Variants in SNX1 observed in about 807,000 individuals in gnomAD.
The protein encoded by SNX1 is sorting nexin 1, also known as sorting nexin-1.
Under a neutral mutation model 71.8 loss-of-function variants are expected in SNX1, and 36 were observed. The ratio of observed to expected loss-of-function variants is 0.50; its 90% CI spans 0.38 to 0.66. SNX1 has a LOEUF of 0.66. Among genes scored for constraint, SNX1 ranks in the 30% least tolerant of loss-of-function variants. SNX1 has a pLI of 0.00. For missense variants in SNX1, 612 were observed against 646.7 expected (o/e 0.95, Z 0.58); for synonymous variants, 254 against 240.7 (o/e 1.06, Z -0.51).
intron 6 of SNX1, among the ~76,000 whole-genome samples, chr15:64,126,500 G>T (rs2081254730): frequency 6.6e-6 from 1 of 152,184 alleles, no homozygotes; most frequent in Admixed American, 6.5e-5. Context: ...CCTCCAGATT[G>T]AAATAGACTA....
intron 3 of SNX1, 107 bp downstream of exon 3, chr15:64,118,351 T>G: frequency 1.6e-6 from 2 of 1,231,932 alleles, no homozygotes; most frequent in Non-Finnish European, 2.3e-6. Context: ...TTGTTACTCT[T>G]GAAGGAGATC....
At chr15:64,119,640 C>T (rs1171332385) in intron 4 of SNX1, among the ~76,000 whole-genome samples, 1 of 151,652 alleles carries the variant, frequency 6.6e-6, no homozygotes, top group Non-Finnish European at 1.5e-5. Context: ...CAGAGAATCG[C>T]TTGAACCCGG....
At chr15:64,127,840 T>C (rs1193588659) in intron 8 of SNX1, 34 bp downstream of exon 8, 1 of 1,541,842 alleles carries the variant, frequency 6.5e-7, no homozygotes, top group Admixed American at 1.7e-5. Flanking sequence ...TTTCATAATT[T>C]ATATCTGCCC....
chr15:64,122,014 T>A (rs1367904078), intron 4 of SNX1, among the ~76,000 whole-genome samples: 1 of 152,242 alleles, frequency 6.6e-6, no homozygotes, highest in Non-Finnish European at 1.5e-5. Context: ...AACCTTGTAT[T>A]ACTAGCTTAT....
In SNX1 at chr15:64,129,759, G is replaced by A; in HGVS notation, c.808-157G>A. 1.7e-6 allele frequency: 1 copy of A among 598,202 alleles called. No individual in the cohort carries two copies. The highest frequency in any genetic ancestry group is 3.0e-6 in the Non-Finnish European group (1 of 332,040). 37.1% of individuals were successfully genotyped at this position (598,202 alleles called of 1,614,324 possible). On this transcript the variant is annotated intron_variant, in intron 8 of 14. Transcript: ENST00000559844. This position sits in a 1 kb window ranked among gnomAD's most constrained non-coding sequence, Gnocchi z 4.4. ...TTCTTTGATTTTTCTGTATGGACAT[G>A]TTAGTTGTGGATTCCTCAGACTGCC...
chr15:64,102,131 T>A (rs2080968780), intron 1 of SNX1, among the ~76,000 whole-genome samples: 1 of 152,234 alleles, frequency 6.6e-6, no homozygotes, highest in Admixed American at 6.5e-5. Flanking sequence ...TTGATAAAAA[T>A]TTTAAAATAT....
rs115715333 is a variant in SNX1, at chr15:64,109,410, A to G, written c.160-3163A>G. The stretch of plus-strand genomic sequence containing the variant: ...CCAACTTAGCATAGAAAAATAGGTG[A>G]AGAACATAAAGACAAGTCACAGATT... On this transcript the variant is annotated intron_variant, in intron 1 of 14. Coordinates refer to ENST00000559844, the MANE Select transcript of SNX1 (RefSeq NM_003099.5). Among the ~76,000 whole-genome samples the G allele has an allele frequency of 9.9e-3, 1,515 of 152,336 alleles. 25 individuals are homozygous for G. The highest frequency in any genetic ancestry group is 0.035 in the African/African-American group (1,439 of 41,566).
At chr15:64,098,469 G>A (rs1422095303) in intron 1 of SNX1, among the ~76,000 whole-genome samples, 1 of 152,192 alleles carries the variant, frequency 6.6e-6, no homozygotes, top group African/African-American at 2.4e-5. Context: ...CAAGGCAAGA[G>A]GATCACTTGA....
chr15:64,112,541 A>G (rs773353948), intron 1 of SNX1, 32 bp from the exon 2 acceptor site: 2 of 1,473,692 alleles, frequency 1.4e-6, no homozygotes, highest in Admixed American at 1.9e-5. Context: ...TTTCATGGTA[A>G]TGTTTTATTC....
At chr15:64,133,427 C>G (rs2081326844) in intron 11 of SNX1, among the ~76,000 whole-genome samples, 1 of 152,172 alleles carries the variant, frequency 6.6e-6, no homozygotes, top group African/African-American at 2.4e-5. Context: ...GCTGAGGAGG[C>G]ATAGACAATA....
chr15:64,136,171 C>G (rs79330202), intron 12 of SNX1, among the ~76,000 whole-genome samples, 159 bp from the exon 13 acceptor site: 4,205 of 152,214 alleles, frequency 0.028, 175 homozygotes, highest in African/African-American at 0.097. Flanking sequence ...CGGACTCTGA[C>G]TTACGTGTGG....
At chr15:64,112,773 G>C (rs2081090618) in intron 2 of SNX1, 89 bp downstream of exon 2, 1 of 698,480 alleles carries the variant, frequency 1.4e-6, no homozygotes, top group African/African-American at 1.8e-5. Flanking sequence ...AAAAAAAAAA[G>C]TATTGGGAAC....
chr15:64,132,960 G>A (rs1025964260), intron 11 of SNX1, among the ~76,000 whole-genome samples: 11 of 152,226 alleles, frequency 7.2e-5, no homozygotes, highest in African/African-American at 2.4e-4. Context: ...GGCACCCTCT[G>A]GGGGAAGCTT....
At chr15:64,107,616 T>C (rs1223007020) in intron 1 of SNX1, among the ~76,000 whole-genome samples, 2 of 152,212 alleles carry the variant, frequency 1.3e-5, no homozygotes, top group Non-Finnish European at 2.9e-5. Context: ...GTCTGTATGC[T>C]CTTTTAATTA....
intron 10 of SNX1, among the ~76,000 whole-genome samples, chr15:64,130,673 A>G (rs1281474787): frequency 6.6e-6 from 1 of 152,230 alleles, no homozygotes; most frequent in Non-Finnish European, 1.5e-5. Context: ...CGTAAATGCA[A>G]GGAAACCACC....
intron 11 of SNX1, among the ~76,000 whole-genome samples, chr15:64,133,219 C>T (rs140235119): frequency 7.9e-5 from 12 of 152,286 alleles, no homozygotes; most frequent in African/African-American, 2.9e-4. Context: ...TCTGCTCTTC[C>T]CTGAGCATGG....
At chr15:64,099,475 A>G (rs974659364) in intron 1 of SNX1, among the ~76,000 whole-genome samples, 1 of 152,222 alleles carries the variant, frequency 6.6e-6, no homozygotes, top group African/African-American at 2.4e-5. Context: ...AAAATGGGTA[A>G]TACAGTTGAT....
chr15:64,101,846 CTG>C (rs1429615585), intron 1 of SNX1, among the ~76,000 whole-genome samples: 7 of 152,162 alleles, frequency 4.6e-5, no homozygotes, highest in Admixed American at 6.5e-5. Flanking sequence ...ATGTGGTTAA[CTG>C]TATTTATTGT....
rs747119414 is a variant in SNX1 at position 64,138,185 on chromosome 15, CT to C, written c.*568del. ...GTTTCTTTCTCTCCGCCTACCTCAG[CT>C]ACCTGTTCTGAGGGTCTCAATCTGT... On this transcript the variant is annotated 3_prime_UTR_variant, in exon 15 of 15. Transcript: ENST00000559844. 2.8e-5 allele frequency: 43 copies of C among 1,534,874 alleles called. No individual in the cohort carries two copies. Among genetic ancestry groups the C allele is most frequent in the Non-Finnish European group, 3.6e-5 (41 of 1,146,696 alleles).
Sources: gnomAD v4.1 joint callset for allele counts (sites outside exome capture counted in the v4.1 genomes callset) on GRCh38, gnomAD v4.1.1 for gene constraint, Gnocchi (gnomAD v3.1) non-coding constraint, MANE v1.5 for transcripts, NCBI Gene and HGNC (gene_info 2026-07-23, HGNC 2026-07-21) for gene names.